The following MDGA2 variants were observed in gnomAD, a reference collection of about 807,000 sequenced individuals.
MDGA2 encodes the protein MAM domain containing glycosylphosphatidylinositol anchor 2, also known as MAM domain-containing glycosylphosphatidylinositol anchor protein 2.
Under a neutral mutation model 117.8 loss-of-function variants are expected in MDGA2, and 40 were observed. The observed-to-expected ratio is 0.34, with a 90% CI of 0.26 to 0.44. MDGA2 has a LOEUF of 0.44. MDGA2 is among the 20% of genes least tolerant of loss of function. The pLI, the probability that MDGA2 is intolerant of heterozygous loss-of-function variation, is 1.00. For missense variants in MDGA2, 1,123 were observed against 1,250.6 expected, an observed-to-expected ratio of 0.90 and a Z score of 1.54; for synonymous variants, 452 against 439.0, an observed-to-expected ratio of 1.03 and a Z score of -0.37.
chr14:47,068,639 A>C (rs2138825404), intron 6 of MDGA2, among the ~76,000 whole-genome samples: 1 of 152,156 alleles, frequency 6.6e-6, no homozygotes, highest in African/African-American at 2.4e-5. Context: ...ATACTTTTTC[A>C]CTATGAGAAA....
Position 46,958,347 on chromosome 14 carries a change from A to C in MDGA2, c.1820-704T>G, listed in dbSNP as rs192977543. Reference sequence around the variant, plus strand: ...TGGATTAGCATAGCTGATGCACAAAAGAAGACCATAAGCGCTTGGGGGGAA... The same window carrying C: ...TGGATTAGCATAGCTGATGCACAAACGAAGACCATAAGCGCTTGGGGGGAA... On this transcript the variant is annotated intron_variant, in intron 8 of 16. Coordinates refer to ENST00000399232, the MANE Select transcript of MDGA2 (RefSeq NM_001113498.3). Among the ~76,000 whole-genome samples, 591 of 152,316 alleles carry C rather than the reference A, an allele frequency of 3.9e-3. 7 individuals are homozygous for C. Among genetic ancestry groups the C allele is most frequent in the African/African-American group, 0.014 (579 of 41,570 alleles).
At chr14:47,466,743 G>A (rs1893612717) in intron 1 of MDGA2, among the ~76,000 whole-genome samples, 1 of 151,984 alleles carries the variant, frequency 6.6e-6, no homozygotes, top group African/African-American at 2.4e-5. Context: ...CAGCGGGGTG[G>A]ATGAGGCTTT....
intron 1 of MDGA2, among the ~76,000 whole-genome samples, chr14:47,314,333 T>C (rs942035284): frequency 6.6e-6 from 1 of 152,156 alleles, no homozygotes; most frequent in Non-Finnish European, 1.5e-5. Context: ...CATACACAGA[T>C]AGTATGTACA....
intron 10 of MDGA2, among the ~76,000 whole-genome samples, chr14:46,898,754 G>T (rs1595030475): frequency 6.6e-6 from 1 of 152,134 alleles, no homozygotes; most frequent in East Asian, 1.9e-4. Flanking sequence ...AGACTGGATA[G>T]GACATGAGGT....
rs183410235 is a variant in MDGA2 at position 47,524,060 on chromosome 14, C to T, written c.280+150457G>A. Among the ~76,000 whole-genome samples the T allele has an allele frequency of 8.8e-3, 1,335 of 152,178 alleles. 13 individuals carry two copies. Among genetic ancestry groups the T allele is most frequent in the Middle Eastern group, 0.024 (7 of 294 alleles). On this transcript the variant is annotated intron_variant, in intron 1 of 16. Coordinates refer to ENST00000399232, the MANE Select transcript of MDGA2 (RefSeq NM_001113498.3). ...TATTTCCTCCTCCAGTTTAAAGGTG[C>T]TTTTAAATGTAAAGCATCTTTTCTA...
At chr14:47,047,252 G>C (rs17643013) in intron 7 of MDGA2, among the ~76,000 whole-genome samples, 13,010 of 152,038 alleles carry the variant, frequency 0.086, 721 homozygotes, top group Admixed American at 0.14. Flanking sequence ...AAATTTACAA[G>C]ATTAGAAATT....
intron 8 of MDGA2, among the ~76,000 whole-genome samples, chr14:46,972,868 G>A (rs1043414363): frequency 6.6e-6 from 1 of 151,980 alleles, no homozygotes; most frequent in African/African-American, 2.4e-5. Flanking sequence ...TATTTGCCAA[G>A]ACATACTAAT....
chr14:47,135,295 C>T (rs890341142), intron 4 of MDGA2, among the ~76,000 whole-genome samples: 3 of 151,992 alleles, frequency 2.0e-5, no homozygotes, highest in Non-Finnish European at 4.4e-5. Context: ...CAACCTTTTA[C>T]TAATATATTC....
At chr14:47,562,108 G>A (rs1895828209) in intron 1 of MDGA2, among the ~76,000 whole-genome samples, 2 of 152,192 alleles carry the variant, frequency 1.3e-5, no homozygotes, top group Admixed American at 1.3e-4. Context: ...ACTTCTTCAT[G>A]TGTTGCTGGA....
At chr14:46,889,414 C>G (rs978225114) in intron 10 of MDGA2, among the ~76,000 whole-genome samples, 2 of 151,942 alleles carry the variant, frequency 1.3e-5, no homozygotes, top group African/African-American at 4.8e-5. Context: ...TCTTTGGAAT[C>G]TTGTATTATT....
intron 3 of MDGA2, among the ~76,000 whole-genome samples, chr14:47,153,036 T>A (rs1178615793): frequency 6.6e-6 from 1 of 152,164 alleles, no homozygotes; most frequent in Non-Finnish European, 1.5e-5. Flanking sequence ...AAAAGACTTC[T>A]GGGTATTGAG....
At chr14:47,410,937 T>C (rs1435858079) in intron 1 of MDGA2, among the ~76,000 whole-genome samples, 2 of 152,196 alleles carry the variant, frequency 1.3e-5, no homozygotes, top group African/African-American at 4.8e-5. Flanking sequence ...CAAATACTTT[T>C]CTAATTCAAC....
intron 6 of MDGA2, among the ~76,000 whole-genome samples, chr14:47,092,299 C>A (rs1253892286): frequency 6.6e-6 from 1 of 152,138 alleles, no homozygotes; most frequent in Admixed American, 6.6e-5. Flanking sequence ...AATCCTTCTA[C>A]ATTTTTGTAA....
intron 1 of MDGA2, among the ~76,000 whole-genome samples, chr14:47,466,780 T>C (rs1482924176): frequency 1.3e-5 from 2 of 152,108 alleles, no homozygotes; most frequent in African/African-American, 2.4e-5. Context: ...ACATGATATA[T>C]TGGATATTAA....
chr14:47,629,974 C>A (rs918902894), intron 1 of MDGA2, among the ~76,000 whole-genome samples: 6 of 151,894 alleles, frequency 4.0e-5, no homozygotes, highest in Non-Finnish European at 8.8e-5. Flanking sequence ...TACTGCTGGT[C>A]TATGGACCAC....
Position 47,100,785 on chromosome 14 carries a change from T to C in MDGA2, c.926-3662A>G, listed in dbSNP as rs112691712. 8.0e-4 allele frequency among the ~76,000 whole-genome samples: 122 copies of C among 152,304 alleles called. 2 individuals carry two copies. Among genetic ancestry groups the C allele is most frequent in the African/African-American group, 2.6e-3 (108 of 41,564 alleles). On this transcript the variant is annotated intron_variant, in intron 5 of 16. Coordinates refer to ENST00000399232, the MANE Select transcript of MDGA2 (RefSeq NM_001113498.3). ...AGCAGAGCATTTATATTCTAAATTATAGATTATTTTAAATGTTTTATAATT... is the reference window on the plus strand; with the variant it reads ...AGCAGAGCATTTATATTCTAAATTACAGATTATTTTAAATGTTTTATAATT...
chr14:47,444,203 G>T lies in MDGA2; in HGVS notation c.281-142653C>A. ...CTGAGGTTGTCAATACAACTAAACT[G>T]ACTGGAGAAGAGCAGACTGTTTTGC... is the stretch of plus-strand genomic sequence containing the variant. On this transcript the variant is annotated intron_variant, in intron 1 of 16. Transcript: ENST00000399232. 1.9e-5 allele frequency: 4 copies of T among 210,674 alleles called. No individual in the cohort carries two copies. In the South Asian group the frequency reaches 3.5e-4, roughly 18 times the overall value. The allele number at this position is 210,674 out of a possible 1,614,324, so 13.1% of individuals were successfully genotyped here. A position where few individuals can be genotyped will look rare whatever the true frequency, so the allele number is the denominator to read the frequency against.
chr14:47,491,957 ATAAAT>A (rs1290086043), intron 1 of MDGA2, among the ~76,000 whole-genome samples: 3 of 152,124 alleles, frequency 2.0e-5, no homozygotes, highest in African/African-American at 7.2e-5. Flanking sequence ...CTATAATTAA[ATAAAT>A]TATTTTTCTA....
At chr14:47,409,215 C>T (rs1892322154) in intron 1 of MDGA2, among the ~76,000 whole-genome samples, 1 of 152,174 alleles carries the variant, frequency 6.6e-6, no homozygotes, top group Non-Finnish European at 1.5e-5. Flanking sequence ...TTGAACATAG[C>T]CCGTTATGGG....
Sources: gnomAD v4.1 joint callset for allele counts (sites outside exome capture counted in the v4.1 genomes callset) on GRCh38, gnomAD v4.1.1 for gene constraint, MANE v1.5 for transcripts, NCBI Gene and HGNC (gene_info 2026-07-23, HGNC 2026-07-21) for gene names.